Variants in ATP13A5 observed in about 807,000 individuals in gnomAD.
ATP13A5 encodes the protein ATPase 13A5, also known as probable cation-transporting ATPase 13A5.
Under a neutral mutation model 150.2 loss-of-function variants are expected in ATP13A5, and 149 were observed. The ratio of observed to expected loss-of-function variants is 0.99; its 90% confidence interval spans 0.87 to 1.14. The LOEUF is 1.14. ATP13A5 is among the 50% of genes most tolerant of loss of function. The pLI is 0.00. For missense variants in ATP13A5, 1,383 were observed against 1,449.3 expected, an observed-to-expected ratio of 0.95 and a Z score of 0.74; for synonymous variants, 497 against 522.2, an observed-to-expected ratio of 0.95 and a Z score of 0.66.
chr3:193,327,754 T>C lies in ATP13A5; in HGVS notation c.1462-697A>G, dbSNP rs1374773498. Among the ~76,000 whole-genome samples the C allele has an allele frequency of 2.6e-5, 4 of 152,310 alleles. No homozygotes were observed. In the East Asian group the frequency reaches 7.7e-4, roughly 29 times the overall value. ...ATCACAGCACTTTTAATTTCCTCAT[T>C]GTTTCACAGGTGTTGATGAATTACA... On this transcript the variant is annotated intron_variant, in intron 12 of 29. Transcript: ENST00000342358.
Position 193,347,524 on chromosome 3 carries a change from C to CTTTTTTTTTTTT in ATP13A5, c.742-2450_742-2449insAAAAAAAAAAAA, listed in dbSNP as rs1553820269. 2.3e-3 allele frequency among the ~76,000 whole-genome samples: 338 copies of CTTTTTTTTTTTT among 145,362 alleles called. 3 individuals carry two copies. The highest frequency in any genetic ancestry group is 8.5e-3 in the African/African-American group (323 of 38,022). On this transcript the variant is annotated intron_variant, in intron 7 of 29. Transcript: ENST00000342358. ...AAGATAAAAATCCTTCCTTAGATTTCTTTTTTTTTTGCTTAGAAACTCGTT... is the reference window on the plus strand; with the variant it reads ...AAGATAAAAATCCTTCCTTAGATTTCTTTTTTTTTTTTTTTTTTTTTTGCTTAGAAACTCGTT...
At chr3:193,375,910 C>T (rs1250170689) in intron 1 of ATP13A5, among the ~76,000 whole-genome samples, 1 of 152,202 alleles carries the variant, frequency 6.6e-6, no homozygotes, top group African/African-American at 2.4e-5. Flanking sequence ...TCATTATTTG[C>T]CTCGACTGTC....
Position 193,288,772 on chromosome 3 carries a change from G to T in ATP13A5, c.3023+1113C>A, listed in dbSNP as rs578216741. ...AAAAAGAGGAACAGACAGACTAGAT[G>T]GCCTGAATTATAGAGTTTACAACCA... is the stretch of plus-strand genomic sequence containing the variant. On this transcript the variant is annotated intron_variant, in intron 26 of 29. Coordinates refer to ENST00000342358, the MANE Select transcript of ATP13A5 (RefSeq NM_198505.4). Among the ~76,000 whole-genome samples the T allele has an allele frequency of 1.5e-4, 23 of 152,178 alleles. No homozygotes were observed. In the South Asian group the frequency reaches 4.8e-3, roughly 32 times the overall value.
At position 193,335,076 on chromosome 3, in the gene ATP13A5, T is replaced by C. The variant is rs566822422; in HGVS notation, c.967A>G (p.Thr323Ala). 125 of 1,613,852 alleles carry C rather than the reference T, an allele frequency of 7.7e-5. No homozygotes were observed. The South Asian group carries it at 9.1e-4, about 12-fold the overall frequency. ...LTGESIPVTK[T>A]PLPQMENTMP... ...GTGTTCTCCATCTGGGGCAATGGTG[T>C]CTTTGTAACAGGTATACTTTCTCCT... The change falls in exon 10 of 30, where the codon ACA (threonine) becomes GCA (alanine). Residue 323 changes from threonine to alanine, a missense_variant. Physicochemically the swap from Thr to Ala is moderately conservative, Grantham distance 58 (BLOSUM62 0). Around this residue, in one of 3 missense-constraint regions of ATP13A5, gnomAD observed 787 missense variants for 771.9 expected, o/e 1.02. Transcript: ENST00000342358.
In ATP13A5 at chr3:193,311,803, C is replaced by T. The variant is rs768321031; in HGVS notation, c.2445+13G>A. The T allele has an allele frequency of 6.2e-7, 1 of 1,613,286 alleles. No individual in the cohort carries two copies. Among genetic ancestry groups the T allele is most frequent in the East Asian group, 2.2e-5 (1 of 44,840 alleles). On this transcript the variant is annotated intron_variant, in intron 20 of 29. Coordinates refer to ENST00000342358, the MANE Select transcript of ATP13A5 (RefSeq NM_198505.4). ...GAGGAGCAAAACAAAACACTTCTTT[C>T]TTCAGTACTTACTTTTGGAAGCAAG... is the stretch of plus-strand genomic sequence containing the variant.
chr3:193,325,250 T>G (rs1459945896), intron 13 of ATP13A5, among the ~76,000 whole-genome samples: 1 of 152,216 alleles, frequency 6.6e-6, no homozygotes, highest in Non-Finnish European at 1.5e-5. Flanking sequence ...CTATGCCCTG[T>G]ACTCTAGATC....
At chr3:193,346,553 G>A (rs1446315124) in intron 7 of ATP13A5, among the ~76,000 whole-genome samples, 2 of 152,116 alleles carry the variant, frequency 1.3e-5, no homozygotes, top group Non-Finnish European at 2.9e-5. Flanking sequence ...AATACTGTCA[G>A]CAATACTTAA....
chr3:193,289,423 C>G (rs569800613), intron 26 of ATP13A5, among the ~76,000 whole-genome samples: 93 of 152,204 alleles, frequency 6.1e-4, no homozygotes, highest in African/African-American at 2.2e-3. Context: ...AGCCCACAGG[C>G]CAAATCTGAT....
chr3:193,281,198 G>C (rs1465956319), intron 27 of ATP13A5: 24 of 985,238 alleles, frequency 2.4e-5, no homozygotes, highest in Non-Finnish European at 2.8e-5. Context: ...CATGGATTTG[G>C]AGTCCCAGGA....
intron 9 of ATP13A5, among the ~76,000 whole-genome samples, chr3:193,338,295 A>G (rs1711973604): frequency 6.6e-6 from 1 of 152,202 alleles, no homozygotes; most frequent in Non-Finnish European, 1.5e-5. Flanking sequence ...GAGAGAGGGC[A>G]TCCCTGTCTT....
chr3:193,292,378 G>T (rs1475312481), intron 25 of ATP13A5, among the ~76,000 whole-genome samples: 25 of 152,108 alleles, frequency 1.6e-4, no homozygotes, highest in Admixed American at 1.6e-3. Flanking sequence ...TCTCTCTCAT[G>T]CTCATTGTAG....
chr3:193,366,898 TA>T (rs1713259649), intron 1 of ATP13A5, among the ~76,000 whole-genome samples: 1 of 151,942 alleles, frequency 6.6e-6, no homozygotes, highest in African/African-American at 2.4e-5. Context: ...CAGAATAACT[TA>T]AAAATTCCCA....
Position 193,354,127 on chromosome 3 carries a change from C to G in ATP13A5, c.606G>C (p.Gln202His). 6.2e-7 allele frequency: 1 copy of G among 1,603,778 alleles called. No individual in the cohort carries two copies. Among genetic ancestry groups the G allele is most frequent in the Non-Finnish European group, 8.5e-7 (1 of 1,177,184 alleles). ...AAAAAAAAGAAAAGAAAACAGTTAC[C>G]TGTTTAACAAGCAGCTTCCATATGG... is the stretch of plus-strand genomic sequence containing the variant. ...IQPIWKLLVKQVLNPFYVFQA... is the reference protein window; with the variant it reads ...IQPIWKLLVKHVLNPFYVFQA... The change falls in exon 6 of 30, where the codon CAG (glutamine) becomes CAC (histidine). Residue 202 changes from glutamine to histidine, a missense_variant and splice_region_variant. Around this residue, in one of 3 missense-constraint regions of ATP13A5, gnomAD observed 787 missense variants for 771.9 expected, o/e 1.02. Coordinates refer to ENST00000342358, the MANE Select transcript of ATP13A5 (RefSeq NM_198505.4).
chr3:193,369,386 A>G (rs1713362489), intron 1 of ATP13A5, among the ~76,000 whole-genome samples: 1 of 152,158 alleles, frequency 6.6e-6, no homozygotes, highest in African/African-American at 2.4e-5. Flanking sequence ...AGATGGGAGG[A>G]TCGTTTGAGC....
At chr3:193,313,983 T>C (rs183840426) in intron 19 of ATP13A5, 50 bp downstream of exon 19, 4 of 1,596,838 alleles carry the variant, frequency 2.5e-6, no homozygotes, top group South Asian at 2.2e-5. Context: ...GTGCCAGGAC[T>C]GTATTCCATC....
At chr3:193,356,494 C>G (rs967721230) in intron 5 of ATP13A5, among the ~76,000 whole-genome samples, 20 of 152,196 alleles carry the variant, frequency 1.3e-4, no homozygotes, top group Non-Finnish European at 2.2e-4. Flanking sequence ...CCTGTAGTCC[C>G]AGCTACTTGG....
rs781165866 is a variant in ATP13A5, at chr3:193,322,528, A to G, written c.1721T>C (p.Val574Ala). Reference sequence around the variant, plus strand: ...TGGTCCTGGTTTTATGATGTTTGAAACTGACGTCCCAAATTTGCAGGAGTC... The same window carrying G: ...TGGTCCTGGTTTTATGATGTTTGAAGCTGACGTCCCAAATTTGCAGGAGTC... ...IVDSCKFGTS[V>A]SNIIKPGPKA... Residue 574 changes from valine to alanine, a missense_variant, in exon 15 of 30, where the codon GTT becomes GCT. This residue lies in a region of ATP13A5 where 787 missense variants were observed against 771.9 expected (regional missense o/e 1.02). Transcript: ENST00000342358. 1.9e-6 allele frequency: 3 copies of G among 1,613,978 alleles called. No homozygotes were observed. In the East Asian group the frequency reaches 6.7e-5, roughly 36 times the overall value.
chr3:193,307,178 AC>A, intron 22 of ATP13A5, 148 bp downstream of exon 22: 1 of 1,500,182 alleles, frequency 6.7e-7, no homozygotes, highest in South Asian at 1.3e-5. Context: ...TCCGCTTCCA[AC>A]CCACACTCAG....
At chr3:193,295,930 C>T (rs1718152830) in intron 25 of ATP13A5, among the ~76,000 whole-genome samples, 1 of 152,106 alleles carries the variant, frequency 6.6e-6, no homozygotes, top group Non-Finnish European at 1.5e-5. Context: ...GTCATAAGAG[C>T]CACTGTTAGA....
Sources: gnomAD v4.1 joint callset for allele counts (sites outside exome capture counted in the v4.1 genomes callset) on GRCh38, gnomAD v4.1.1 for gene constraint, gnomAD v4.1.1 regional missense constraint, MANE v1.5 for transcripts, NCBI Gene and HGNC (gene_info 2026-07-23, HGNC 2026-07-21) for gene names.